The following TRHDE variants were observed in gnomAD, a reference collection of about 807,000 sequenced individuals.
The protein encoded by TRHDE is thyrotropin-releasing hormone-degrading ectoenzyme.
Under a neutral mutation model 125.7 loss-of-function variants are expected in TRHDE, and 72 were observed. The observed-to-expected ratio is 0.57, with a 90% confidence interval of 0.47 to 0.70. TRHDE has a LOEUF of 0.70. Ranked by LOEUF, TRHDE falls within the 30% of genes least tolerant of loss-of-function variation. The pLI is 0.00. For missense variants in TRHDE, 1,110 were observed against 1,327.1 expected (o/e 0.84, Z 2.54); for synonymous variants, 509 against 509.1 (o/e 1.00, Z 0.00).
At chr12:72,380,295 C>T (rs1872083765) in intron 3 of TRHDE, among the ~76,000 whole-genome samples, 1 of 152,184 alleles carries the variant, frequency 6.6e-6, no homozygotes, top group African/African-American at 2.4e-5. Flanking sequence ...GGCTTACATT[C>T]TTTTAGGTGA....
At chr12:72,384,648 A>G (rs1315548090) in intron 3 of TRHDE, among the ~76,000 whole-genome samples, 1 of 152,142 alleles carries the variant, frequency 6.6e-6, no homozygotes, top group East Asian at 1.9e-4. Flanking sequence ...ATACCCTAGG[A>G]TCTATGTATC....
At chr12:72,304,788 A>G (rs1393748440) in intron 2 of TRHDE, among the ~76,000 whole-genome samples, 1 of 152,214 alleles carries the variant, frequency 6.6e-6, no homozygotes, top group Non-Finnish European at 1.5e-5. Context: ...TAAATGAACC[A>G]GGGATGTTTT....
intron 2 of TRHDE, among the ~76,000 whole-genome samples, chr12:72,154,579 G>T (rs529172218): frequency 6.6e-6 from 1 of 152,116 alleles, no homozygotes; most frequent in Admixed American, 6.5e-5. Context: ...GCTCTTTTAG[G>T]GCAGGCCTGG....
chr12:72,322,422 G>A (rs528481690), intron 2 of TRHDE, among the ~76,000 whole-genome samples: 15 of 152,182 alleles, frequency 9.9e-5, no homozygotes, highest in East Asian at 1.9e-4. Flanking sequence ...AGAAAATAGC[G>A]TGTTAGATAA....
chr12:72,643,786 C>G (rs759703464), intron 15 of TRHDE, among the ~76,000 whole-genome samples: 1 of 152,138 alleles, frequency 6.6e-6, no homozygotes, highest in Non-Finnish European at 1.5e-5. Context: ...TGCTGGTGAA[C>G]AGAATGAATA....
chr12:72,337,860 G>GA (rs909519987), intron 2 of TRHDE, among the ~76,000 whole-genome samples: 1 of 151,948 alleles, frequency 6.6e-6, no homozygotes, highest in African/African-American at 2.4e-5. Context: ...AAATGTAGCA[G>GA]AAAAATACAC....
At chr12:72,457,736 A>G (rs996653951) in intron 3 of TRHDE, among the ~76,000 whole-genome samples, 2 of 152,152 alleles carry the variant, frequency 1.3e-5, no homozygotes. Context: ...CTTAAGGCAC[A>G]ATACATCTTT....
chr12:72,628,457 T>C (rs1197339634), intron 15 of TRHDE, among the ~76,000 whole-genome samples: 3 of 151,876 alleles, frequency 2.0e-5, no homozygotes, highest in Non-Finnish European at 2.9e-5. Flanking sequence ...TTTCAAAAAG[T>C]TTAGCTGATT....
At chr12:72,552,459 G>A (rs893271207) in intron 7 of TRHDE, among the ~76,000 whole-genome samples, 1 of 152,098 alleles carries the variant, frequency 6.6e-6, no homozygotes, top group Non-Finnish European at 1.5e-5. Context: ...CTGGAAACAC[G>A]CCTTGAACAA....
chr12:72,620,755 T>C (rs1245576061), intron 13 of TRHDE, among the ~76,000 whole-genome samples: 2 of 152,172 alleles, frequency 1.3e-5, no homozygotes, highest in Non-Finnish European at 2.9e-5. Context: ...CATTTTCATA[T>C]AGTATATCTA....
At chr12:72,311,004 G>A (rs2135699672) in intron 2 of TRHDE, among the ~76,000 whole-genome samples, 1 of 152,144 alleles carries the variant, frequency 6.6e-6, no homozygotes, top group Non-Finnish European at 1.5e-5. Flanking sequence ...TTTTATTAAA[G>A]CCAGGTTATT....
At chr12:72,653,224 T>A in intron 17 of TRHDE, 68 bp downstream of exon 17, 2 of 1,376,932 alleles carry the variant, frequency 1.5e-6, no homozygotes, top group Non-Finnish European at 2.0e-6. Context: ...AGGCCCAAGT[T>A]TTGTGTTAAA....
intron 3 of TRHDE, among the ~76,000 whole-genome samples, chr12:72,455,321 T>C (rs1328517458): frequency 6.6e-6 from 1 of 152,172 alleles, no homozygotes; most frequent in African/African-American, 2.4e-5. Context: ...AATATAATGA[T>C]AACAACCAAC....
At chr12:72,309,219 T>C (rs571068880) in intron 2 of TRHDE, among the ~76,000 whole-genome samples, 2 of 152,192 alleles carry the variant, frequency 1.3e-5, no homozygotes, top group East Asian at 1.9e-4. Context: ...AGAAGGCAGA[T>C]GGTATTTGTT....
At chr12:72,568,163 A>G (rs1870539281) in intron 9 of TRHDE, among the ~76,000 whole-genome samples, 1 of 152,134 alleles carries the variant, frequency 6.6e-6, no homozygotes, top group African/African-American at 2.4e-5. Flanking sequence ...GGAGAATATT[A>G]AAATGTAAAT....
rs1592562003 is a variant in TRHDE, at chr12:72,350,706, T to C, written c.1189-27289T>C. On this transcript the variant is annotated intron_variant, in intron 2 of 18. Transcript: ENST00000261180. ...TGAGGCTTGATAGAAAAAATAGGGG[T>C]ACAGATATATTCTAAAGATTAAGAC... Among the ~76,000 whole-genome samples, 2 of 151,964 alleles carry C rather than the reference T, an allele frequency of 1.3e-5. 1 individual carries two copies. The highest frequency in any genetic ancestry group is 4.1e-4 in the South Asian group (2 of 4,830).
chr12:72,100,112 T>C (rs992807710), intron 1 of TRHDE, among the ~76,000 whole-genome samples: 13 of 152,190 alleles, frequency 8.5e-5, no homozygotes, highest in Middle Eastern at 3.2e-3. Context: ...TAAAGTTAGA[T>C]TCTCAGGGTA....
At chr12:72,357,003 A>C (rs2135746608) in intron 2 of TRHDE, among the ~76,000 whole-genome samples, 1 of 151,650 alleles carries the variant, frequency 6.6e-6, no homozygotes, top group South Asian at 2.1e-4. Flanking sequence ...AATTCAGCAA[A>C]ATAGATGAAG....
intron 2 of TRHDE, among the ~76,000 whole-genome samples, chr12:72,185,004 G>A (rs900478990): frequency 2.6e-5 from 4 of 152,312 alleles, no homozygotes; most frequent in Admixed American, 6.5e-5. Flanking sequence ...GGCCAAGGCT[G>A]GAGCCCACTC....
Sources: gnomAD v4.1 joint callset for allele counts (sites outside exome capture counted in the v4.1 genomes callset) on GRCh38, gnomAD v4.1.1 for gene constraint, MANE v1.5 for transcripts, NCBI Gene and HGNC (gene_info 2026-07-23, HGNC 2026-07-21) for gene names.